Variants in MAPRE2 observed in about 807,000 individuals in gnomAD.
The protein encoded by MAPRE2 is microtubule associated protein RP/EB family member 2, also known as microtubule-associated protein RP/EB family member 2.
MAPRE2 carries 13 observed loss-of-function variants against 43.2 expected under a neutral mutation model. The ratio of observed to expected loss-of-function variants is 0.30; its 90% CI spans 0.20 to 0.48. The LOEUF is 0.48. Ranked by LOEUF, MAPRE2 falls within the 20% of genes least tolerant of loss-of-function variation. The pLI is 0.99. For missense variants in MAPRE2, 161 were observed against 400.2 expected (o/e 0.40, Z 5.10); for synonymous variants, 135 against 148.8 (o/e 0.91, Z 0.68).
intron 4 of MAPRE2, 65 bp downstream of exon 4, chr18:35,102,224 A>G: frequency 8.3e-7 from 1 of 1,201,772 alleles, no homozygotes; most frequent in Admixed American, 2.6e-5. Context: ...CCCTTCTGTT[A>G]TTTACTGTGT....
intron 4 of MAPRE2, among the ~76,000 whole-genome samples, chr18:35,112,840 A>G (rs1344023377): frequency 6.6e-6 from 1 of 152,248 alleles, no homozygotes; most frequent in African/African-American, 2.4e-5. Flanking sequence ...AGCTTTGTAT[A>G]AACAACAGAA....
chr18:35,008,153 AACATGCTTGT>A (rs2097032702), intron 2 of MAPRE2, among the ~76,000 whole-genome samples: 2 of 152,132 alleles, frequency 1.3e-5, no homozygotes, highest in Non-Finnish European at 2.9e-5. Context: ...CACCACACAC[AACATGCTTGT>A]ACTTTATACC....
intron 6 of MAPRE2, 85 bp downstream of exon 6, chr18:35,132,275 T>A: frequency 7.9e-7 from 1 of 1,265,022 alleles, no homozygotes; most frequent in South Asian, 1.4e-5. Flanking sequence ...TTAGAATACT[T>A]CCCCAGGACC....
chr18:35,024,209 G>C (rs273343), intron 2 of MAPRE2, among the ~76,000 whole-genome samples: 78,213 of 152,012 alleles, frequency 0.51, 22,702 homozygotes, highest in East Asian at 0.71. Context: ...GAGTTCTGGA[G>C]CTATCTTGTT....
chr18:34,980,022 TC>T (rs2097015249), intron 1 of MAPRE2, among the ~76,000 whole-genome samples: 1 of 63,650 alleles, frequency 1.6e-5, no homozygotes, highest in Non-Finnish European at 3.6e-5. Context: ...TTTTTCTTTT[TC>T]TTTTTTTCTT....
At chr18:35,072,663 C>A (rs1426840407) in intron 2 of MAPRE2, among the ~76,000 whole-genome samples, 1 of 152,086 alleles carries the variant, frequency 6.6e-6, no homozygotes, top group East Asian at 1.9e-4. Context: ...AAAGCAAATT[C>A]AACAAAATTT....
intron 1 of MAPRE2, among the ~76,000 whole-genome samples, chr18:34,989,724 T>C (rs1172283948): frequency 6.6e-6 from 1 of 151,956 alleles, no homozygotes; most frequent in Non-Finnish European, 1.5e-5. Context: ...CTCTGTCTTT[T>C]TTTTTTTAAG....
intron 2 of MAPRE2, among the ~76,000 whole-genome samples, chr18:35,071,299 TG>T (rs10706871): frequency 0.29 from 44,562 of 152,056 alleles, 8,182 homozygotes; most frequent in East Asian, 0.52. Flanking sequence ...GAGGATCGCT[TG>T]AGCCCAGGAG....
intron 2 of MAPRE2, among the ~76,000 whole-genome samples, chr18:35,028,462 T>C (rs765829902): frequency 3.3e-5 from 5 of 152,216 alleles, no homozygotes; most frequent in Non-Finnish European, 4.4e-5. Context: ...TAATGTATAC[T>C]ATATTTTCTT....
chr18:35,039,026 T>G (rs140795772), upstream of MAPRE2, among the ~76,000 whole-genome samples: 3 of 152,328 alleles, frequency 2.0e-5, no homozygotes, highest in African/African-American at 7.2e-5. Flanking sequence ...GTGTGTTCTC[T>G]CCACAAAATT....
At chr18:35,070,546 A>G (rs932543578) in intron 2 of MAPRE2, 1 of 330,938 alleles carries the variant, frequency 3.0e-6, no homozygotes, top group East Asian at 5.2e-5. Context: ...CGTATTGGAA[A>G]GGTCTCTTGC....
intron 4 of MAPRE2, among the ~76,000 whole-genome samples, chr18:35,116,015 A>G (rs530347504): frequency 5.3e-4 from 81 of 152,342 alleles, no homozygotes; most frequent in African/African-American, 1.4e-3. Context: ...CTGGAGATAC[A>G]TAGTGATTCT....
intron 4 of MAPRE2, among the ~76,000 whole-genome samples, chr18:35,106,120 A>C (rs1442979232): frequency 1.3e-5 from 2 of 152,306 alleles, no homozygotes; most frequent in African/African-American, 4.8e-5. Flanking sequence ...TATCTGTATC[A>C]CATTTATATC....
rs1436712837 is a variant in MAPRE2, at chr18:34,984,835, AT to A, written c.-70+7760del. Among the ~76,000 whole-genome samples, 19 of 126,548 alleles carry A rather than the reference AT, an allele frequency of 1.5e-4. 2 individuals carry two copies. Among genetic ancestry groups the A allele is most frequent in the East Asian group, 1.1e-3 (5 of 4,630 alleles). The allele number at this position is 126,548 out of a possible 152,430, so 83.0% of individuals were successfully genotyped here. ...AATACTAAAAATATAAATATATAAT[AT>A]TTTATATGTTATATAACATATAAAA... On this transcript the variant is annotated intron_variant, in intron 1 of 7. Transcript: ENST00000413393.
At chr18:34,987,300 C>T (rs1484655385) in intron 1 of MAPRE2, among the ~76,000 whole-genome samples, 1 of 152,070 alleles carries the variant, frequency 6.6e-6, no homozygotes. Flanking sequence ...GCAATGATGC[C>T]TTGCTACCTA....
intron 2 of MAPRE2, among the ~76,000 whole-genome samples, chr18:35,085,873 G>A (rs1289842523): frequency 6.6e-6 from 1 of 152,144 alleles, no homozygotes; most frequent in Non-Finnish European, 1.5e-5. Flanking sequence ...CAGATCCAAA[G>A]GCCAACATAG....
chr18:35,129,235 T>C (rs965502746), intron 5 of MAPRE2, among the ~76,000 whole-genome samples: 12 of 152,172 alleles, frequency 7.9e-5, no homozygotes, highest in African/African-American at 2.9e-4. Flanking sequence ...TCCAAATTTA[T>C]ATCCGTGGTT....
chr18:35,053,207 A>G (rs1906042455), intron 1 of MAPRE2, among the ~76,000 whole-genome samples: 1 of 152,126 alleles, frequency 6.6e-6, no homozygotes, highest in Non-Finnish European at 1.5e-5. Context: ...CAGCCTGGCC[A>G]ACATGGTGAA....
chr18:35,091,903 G>T lies in MAPRE2; in HGVS notation c.251-5543G>T, dbSNP rs115418172. On this transcript the variant is annotated intron_variant, in intron 2 of 6. Transcript: ENST00000300249. ...AATATTAAGAAAAGAGGCTTAATTG[G>T]CTCACAGTTCTGCAGGCTGTACATA... Among the ~76,000 whole-genome samples, 865 of 152,298 alleles carry T rather than the reference G, an allele frequency of 5.7e-3. 10 individuals carry two copies. The highest frequency in any genetic ancestry group is 0.02 in the African/African-American group (825 of 41,578).
Sources: gnomAD v4.1 joint callset for allele counts (sites outside exome capture counted in the v4.1 genomes callset) on GRCh38, gnomAD v4.1.1 for gene constraint, MANE v1.5 for transcripts, NCBI Gene and HGNC (gene_info 2026-07-23, HGNC 2026-07-21) for gene names.